The following ANGEL2 variants were observed in gnomAD, a reference collection of about 807,000 sequenced individuals.
ANGEL2 encodes angel homolog 2, also known as RNA 2',3'-cyclic phosphatase ANGEL2.
Under a neutral mutation model 66.0 loss-of-function variants are expected in ANGEL2, and 41 were observed. The observed-to-expected ratio is 0.62, with a 90% CI of 0.48 to 0.81. The LOEUF is 0.81. Among genes scored for constraint, ANGEL2 ranks in the 30% least tolerant of loss-of-function variants. The pLI, the probability that ANGEL2 is intolerant of heterozygous loss-of-function variation, is 0.00. For synonymous variants in ANGEL2, 208 were observed against 226.5 expected, an observed-to-expected ratio of 0.92 and a Z score of 0.73; for missense variants, 561 against 641.6, an observed-to-expected ratio of 0.87 and a Z score of 1.36.
intron 5 of ANGEL2, chr1:213,001,428 G>A (rs546240674): frequency 5.2e-5 from 8 of 153,356 alleles, no homozygotes; most frequent in African/African-American, 1.9e-4. Context: ...ATACTTCATT[G>A]TTAAAATATC....
At chr1:213,015,312 T>C in intron 1 of ANGEL2, 3 of 1,323,702 alleles carry the variant, frequency 2.3e-6, no homozygotes, top group Non-Finnish European at 2.9e-6. Flanking sequence ...GTCTGGAGGC[T>C]GGGTTGGGGG....
intron 1 of ANGEL2, 136 bp downstream of exon 1, chr1:213,015,476 AC>A (rs1478704115): frequency 6.8e-7 from 1 of 1,464,224 alleles, no homozygotes; most frequent in African/African-American, 1.4e-5. Context: ...TCCCGGATGC[AC>A]CATCGCCCAG....
At position 212,995,419 on chromosome 1, in the gene ANGEL2, C is replaced by G. The variant is rs537094209; in HGVS notation, c.1484-227G>C. Among the ~76,000 whole-genome samples the G allele has an allele frequency of 3.3e-5, 5 of 152,240 alleles. No individual in the cohort carries two copies. The East Asian group carries it at 9.7e-4, about 29-fold the overall frequency. On this transcript the variant is annotated intron_variant, in intron 8 of 8. Coordinates refer to ENST00000366962, the MANE Select transcript of ANGEL2 (RefSeq NM_144567.5). ...TTTTTTCTATTTCCAGCTCTGTAAA[C>G]AATCTTTAGAAGAAAATATAAATGA...
At chr1:213,009,503 T>C (rs1209459039) in intron 2 of ANGEL2, among the ~76,000 whole-genome samples, 1 of 152,194 alleles carries the variant, frequency 6.6e-6, no homozygotes, top group African/African-American at 2.4e-5. Flanking sequence ...TCTCCCTCTA[T>C]CCTGCAAAGG....
intron 5 of ANGEL2, among the ~76,000 whole-genome samples, chr1:213,002,504 G>A (rs1441077803): frequency 6.6e-6 from 1 of 152,196 alleles, no homozygotes; most frequent in East Asian, 1.9e-4. Flanking sequence ...AAAGTAACAA[G>A]CTATATTAGC....
intron 4 of ANGEL2, among the ~76,000 whole-genome samples, 170 bp from the exon 5 acceptor site, chr1:213,005,624 A>G (rs1378205590): frequency 6.6e-6 from 1 of 152,242 alleles, no homozygotes; most frequent in African/African-American, 2.4e-5. Context: ...TGGGTCTAAC[A>G]GGCCTCTTTA....
intron 7 of ANGEL2, among the ~76,000 whole-genome samples, 185 bp downstream of exon 7, chr1:213,000,141 A>C (rs2076138977): frequency 6.6e-6 from 1 of 152,238 alleles, no homozygotes; most frequent in South Asian, 2.1e-4. Flanking sequence ...TTCTTGCTCA[A>C]AATCATTCGG....
intron 2 of ANGEL2, among the ~76,000 whole-genome samples, chr1:213,012,493 A>C (rs1254476649): frequency 3.9e-5 from 6 of 152,224 alleles, no homozygotes; most frequent in Non-Finnish European, 7.3e-5. Context: ...ACATTTTAAA[A>C]AACTGTTTCT....
Position 213,015,706 on chromosome 1 carries a change from C to A in ANGEL2, c.-35G>T. On this transcript the variant is annotated 5_prime_UTR_variant, in exon 1 of 9. Coordinates refer to ENST00000366962, the MANE Select transcript of ANGEL2 (RefSeq NM_144567.5). ...CCGCGTGCGTCCAGTTCCCAGGCCC[C>A]GGGTTCCACCTCAATCTCTATAATC... 1 of 1,614,040 alleles carries A rather than the reference C, an allele frequency of 6.2e-7. No homozygotes were observed. Among genetic ancestry groups the A allele is most frequent in the Non-Finnish European group, 8.5e-7 (1 of 1,179,968 alleles).
At chr1:213,009,456 T>C (rs541330906) in intron 2 of ANGEL2, among the ~76,000 whole-genome samples, 1 of 152,366 alleles carries the variant, frequency 6.6e-6, no homozygotes, top group African/African-American at 2.4e-5. Flanking sequence ...CTTCTAAGTA[T>C]GATTAAATTA....
Position 213,013,087 on chromosome 1 carries a change from C to T in ANGEL2, c.385+6G>A. 1 of 1,609,962 alleles carries T rather than the reference C, an allele frequency of 6.2e-7. No individual in the cohort carries two copies. Among genetic ancestry groups the T allele is most frequent in the Non-Finnish European group, 8.5e-7 (1 of 1,177,768 alleles). On this transcript the variant is annotated splice_donor_region_variant and intron_variant, in intron 2 of 8. Transcript: ENST00000366962. ...ATTTCTACACCAAGATAAATGTCAC[C>T]TTTACCTTGGTGTTTTCTTCGTTTT... is the stretch of plus-strand genomic sequence containing the variant.
intron 8 of ANGEL2, among the ~76,000 whole-genome samples, chr1:212,996,640 A>AAAAAT (rs56102625): frequency 6.3e-4 from 42 of 66,466 alleles, no homozygotes; most frequent in African/African-American, 2.6e-3. Context: ...AAAAAAAAAA[A>AAAAAT]ATATATATAT....
intron 7 of ANGEL2, among the ~76,000 whole-genome samples, chr1:212,999,686 C>T (rs2076127218): frequency 6.6e-6 from 1 of 152,184 alleles, no homozygotes; most frequent in Non-Finnish European, 1.5e-5. Flanking sequence ...AAGTCTCTGT[C>T]CTGTTTTATT....
chr1:213,015,441 A>G (rs924695972), intron 1 of ANGEL2, 172 bp downstream of exon 1: 1 of 1,425,280 alleles, frequency 7.0e-7, no homozygotes, highest in Non-Finnish European at 9.2e-7. Context: ...GGGTTTACCT[A>G]TCCCGCTTGG....
At chr1:213,010,204 T>C (rs900489849) in intron 2 of ANGEL2, among the ~76,000 whole-genome samples, 3 of 152,066 alleles carry the variant, frequency 2.0e-5, no homozygotes, top group African/African-American at 7.2e-5. Flanking sequence ...CTACCCCCAA[T>C]GGCTCAGAAC....
chr1:213,013,165 A>C lies in ANGEL2; in HGVS notation c.313T>G (p.Leu105Val). The change falls in exon 2 of 9, where the codon TTG (leucine) becomes GTG (valine). Residue 105 changes from leucine to valine, a missense_variant. Transcript: ENST00000366962. Reference sequence around the variant, plus strand: ...ATGACGTAACTAGAGAGATGAATCAAAGATGTCTGGCTCAGGTTGTCAGGT... The same window carrying C: ...ATGACGTAACTAGAGAGATGAATCACAGATGTCTGGCTCAGGTTGTCAGGT... ...WRPDNLSQTS[L>V]IHLSSYVMNA... is the part of the protein sequence containing the mutation. 3 of 1,614,160 alleles carry C rather than the reference A, an allele frequency of 1.9e-6. No homozygotes were observed. Among genetic ancestry groups the C allele is most frequent in the Non-Finnish European group, 2.5e-6 (3 of 1,180,004 alleles).
chr1:213,010,423 T>G (rs1320868942), intron 2 of ANGEL2, among the ~76,000 whole-genome samples: 1 of 151,596 alleles, frequency 6.6e-6, no homozygotes, highest in Non-Finnish European at 1.5e-5. Context: ...ATACAAAAAT[T>G]TAGCCGGGCG....
chr1:212,995,266 T>A, intron 8 of ANGEL2, 74 bp from the exon 9 acceptor site: 1 of 1,381,616 alleles, frequency 7.2e-7, no homozygotes, highest in South Asian at 1.6e-5. Flanking sequence ...ACAAGTCTTT[T>A]CTCCAAACAA....
chr1:213,008,648 G>A (rs543657120), intron 2 of ANGEL2, among the ~76,000 whole-genome samples, 182 bp from the exon 3 acceptor site: 12 of 152,254 alleles, frequency 7.9e-5, no homozygotes, highest in Admixed American at 4.6e-4. Flanking sequence ...TTACAAATGC[G>A]GTAACACAAT....
Sources: gnomAD v4.1 joint callset for allele counts (sites outside exome capture counted in the v4.1 genomes callset) on GRCh38, gnomAD v4.1.1 for gene constraint, MANE v1.5 for transcripts, NCBI Gene and HGNC (gene_info 2026-07-23, HGNC 2026-07-21) for gene names.